The following NCALD variants were observed in gnomAD, a reference collection of about 807,000 sequenced individuals.
NCALD encodes the protein neurocalcin delta.
Under a neutral mutation model 18.6 loss-of-function variants are expected in NCALD, and 10 were observed. The observed-to-expected ratio is 0.54, with a 90% confidence interval of 0.33 to 0.91. The LOEUF (loss-of-function observed/expected upper bound fraction) is 0.91, where lower values mean the gene tolerates loss of function less well. Ranked by LOEUF, NCALD falls within the 40% of genes least tolerant of loss-of-function variation. The pLI, the probability that NCALD is intolerant of heterozygous loss-of-function variation, is 0.03. For missense variants in NCALD, 184 were observed against 247.6 expected, an observed-to-expected ratio of 0.74 and a Z score of 1.72; for synonymous variants, 88 against 87.4, an observed-to-expected ratio of 1.01 and a Z score of -0.04.
At chr8:101,901,821 C>T (rs191445883) in intron 3 of NCALD, among the ~76,000 whole-genome samples, 3 of 151,528 alleles carry the variant, frequency 2.0e-5, no homozygotes, top group East Asian at 1.9e-4. Context: ...GATGGAGTCT[C>T]GACTTGTCAC....
intron 2 of NCALD, among the ~76,000 whole-genome samples, chr8:101,971,372 T>C (rs937018496): frequency 6.6e-6 from 1 of 152,096 alleles, no homozygotes; most frequent in South Asian, 2.1e-4. Context: ...GTAATCCCCA[T>C]AATCCCCATG....
intron 1 of NCALD, among the ~76,000 whole-genome samples, chr8:101,760,547 A>G (rs1295093389): frequency 6.6e-6 from 1 of 152,194 alleles, no homozygotes; most frequent in Non-Finnish European, 1.5e-5. Flanking sequence ...TAAATGCAGC[A>G]AACCTCTTGC....
chr8:101,852,665 G>C lies in NCALD; in HGVS notation c.-20+34476C>G, dbSNP rs577796840. The C allele has an allele frequency of 3.3e-5, 5 of 152,332 alleles. No individual in the cohort carries two copies. The South Asian group carries it at 1.0e-3, about 32-fold the overall frequency. 9.4% of individuals were successfully genotyped at this position (152,332 alleles called of 1,614,324 possible). On this transcript the variant is annotated intron_variant, in intron 4 of 6. Coordinates refer to the NCALD transcript ENST00000311028. ...TGTACTGGGGCAGCGTCCATTCATA[G>C]AGCAGCTAGAATAGAGGTCACAAGC...
intron 2 of NCALD, among the ~76,000 whole-genome samples, chr8:102,004,434 T>C (rs878949409): frequency 0.015 from 2,258 of 147,684 alleles, 48 homozygotes; most frequent in African/African-American, 0.05. Context: ...GAATCAATAT[T>C]GTGAAAATGG....
chr8:102,120,740 A>AT (rs1199156272), intron 1 of NCALD, among the ~76,000 whole-genome samples: 10 of 152,200 alleles, frequency 6.6e-5, no homozygotes, highest in African/African-American at 1.9e-4. Context: ...CCTAAGTAAA[A>AT]TATCTCCTGA....
chr8:102,000,434 G>A (rs1436889354), intron 2 of NCALD, among the ~76,000 whole-genome samples: 1 of 152,236 alleles, frequency 6.6e-6, no homozygotes, highest in Non-Finnish European at 1.5e-5. Context: ...GCCTGCCTCT[G>A]TAGACTCCAC....
chr8:101,784,250 G>A (rs1812131522), intron 1 of NCALD, among the ~76,000 whole-genome samples: 1 of 152,050 alleles, frequency 6.6e-6, no homozygotes, highest in South Asian at 2.1e-4. Context: ...AAGAGATGTT[G>A]GCTGAAATAC....
At chr8:102,055,847 T>C (rs1320934992) in intron 1 of NCALD, among the ~76,000 whole-genome samples, 1 of 152,206 alleles carries the variant, frequency 6.6e-6, no homozygotes, top group Non-Finnish European at 1.5e-5. Context: ...TAGTGGGTCT[T>C]GATGAACTAA....
chr8:101,804,295 T>TATATATAATTATATCAATTATATATA (rs1162981963), intron 4 of NCALD, among the ~76,000 whole-genome samples: 3 of 135,146 alleles, frequency 2.2e-5, no homozygotes, highest in African/African-American at 8.0e-5. Flanking sequence ...TTATAACTAT[T>TATATATAATTATATCAATTATATATA]ATATATAATT....
chr8:101,967,735 G>A (rs1434693880), intron 2 of NCALD, among the ~76,000 whole-genome samples: 5 of 152,108 alleles, frequency 3.3e-5, no homozygotes, highest in African/African-American at 9.7e-5. Flanking sequence ...AGGCAGCAGA[G>A]GGTGAGGATT....
At chr8:101,806,848 C>T (rs546243199) in intron 4 of NCALD, among the ~76,000 whole-genome samples, 51 of 151,528 alleles carry the variant, frequency 3.4e-4, no homozygotes, top group African/African-American at 1.1e-3. Flanking sequence ...AGATCCACAC[C>T]CAGACATATC....
intron 1 of NCALD, among the ~76,000 whole-genome samples, chr8:102,098,408 T>A (rs979002393): frequency 6.6e-6 from 1 of 152,200 alleles, no homozygotes; most frequent in African/African-American, 2.4e-5. Context: ...CTCCAGCTAA[T>A]CCTTTCTCAA....
At chr8:101,944,535 G>A (rs969868226) in intron 2 of NCALD, among the ~76,000 whole-genome samples, 5 of 152,190 alleles carry the variant, frequency 3.3e-5, no homozygotes, top group Non-Finnish European at 5.9e-5. Context: ...AATAGTAATG[G>A]CACATGCTGG....
At chr8:102,071,745 T>C (rs1824184321) in intron 1 of NCALD, among the ~76,000 whole-genome samples, 1 of 151,082 alleles carries the variant, frequency 6.6e-6, no homozygotes, top group Admixed American at 6.6e-5. Flanking sequence ...ATAAATACCA[T>C]TTACAATGGC....
chr8:101,911,639 G>T (rs967433757), intron 3 of NCALD, among the ~76,000 whole-genome samples: 9 of 152,234 alleles, frequency 5.9e-5, no homozygotes, highest in African/African-American at 2.2e-4. Context: ...TTACAGGTAT[G>T]AACCACCATG....
In NCALD at chr8:101,692,732, C is replaced by G. The variant is rs1232463875; in HGVS notation, c.484+59G>C. On this transcript the variant is annotated intron_variant, in intron 3 of 3. Transcript: ENST00000220931. ...CTCGAGTGGCACTTCCCAGTCTGGA[C>G]TCTCCAGTCCTTCCAGCAGCCCCCA... 2.6e-6 allele frequency: 4 copies of G among 1,518,850 alleles called. No homozygotes were observed. In the East Asian group the frequency reaches 9.1e-5, roughly 34 times the overall value. The allele number at this position is 1,518,850 out of a possible 1,614,324, so 94.1% of individuals were successfully genotyped here.
chr8:101,702,061 T>C (rs992411655), intron 2 of NCALD, among the ~76,000 whole-genome samples: 2 of 151,786 alleles, frequency 1.3e-5, no homozygotes, highest in African/African-American at 4.8e-5. Flanking sequence ...GCAGAGAGAG[T>C]GTGAGAGACA....
intron 4 of NCALD, among the ~76,000 whole-genome samples, chr8:101,828,296 T>C (rs1814023630): frequency 6.6e-6 from 1 of 152,172 alleles, no homozygotes; most frequent in African/African-American, 2.4e-5. Context: ...AGACCGAGGC[T>C]CTGCCCAGCT....
chr8:101,919,366 TA>T (rs1466106916), intron 2 of NCALD, among the ~76,000 whole-genome samples: 2 of 151,988 alleles, frequency 1.3e-5, no homozygotes, highest in Non-Finnish European at 2.9e-5. Context: ...TTTCATCACA[TA>T]AAAAAATTAA....
Sources: allele counts gnomAD v4.1 joint callset (sites outside exome capture counted in the v4.1 genomes callset), GRCh38; gene constraint gnomAD v4.1.1; transcripts MANE v1.5; gene names NCBI Gene and HGNC (gene_info 2026-07-23, HGNC 2026-07-21).